The following PHAF1 variants were observed in gnomAD, a reference collection of about 807,000 sequenced individuals.
PHAF1 encodes phagosome assembly factor 1.
In PHAF1, 23 loss-of-function variants were observed where a neutral mutation model predicts 63.1. The ratio of observed to expected loss-of-function variants is 0.36; its 90% CI spans 0.26 to 0.52. PHAF1 has a LOEUF of 0.52. Among genes scored for constraint, PHAF1 ranks in the 20% least tolerant of loss-of-function variants. PHAF1 has a pLI of 0.93. For missense variants in PHAF1, 427 were observed against 517.2 expected, an observed-to-expected ratio of 0.83 and a Z score of 1.69; for synonymous variants, 167 against 185.0, an observed-to-expected ratio of 0.90 and a Z score of 0.79.
At chr16:67,119,833 A>G (rs1038171381) in intron 1 of PHAF1, among the ~76,000 whole-genome samples, 5 of 151,976 alleles carry the variant, frequency 3.3e-5, no homozygotes, top group African/African-American at 1.2e-4. Flanking sequence ...CGGCCCATGC[A>G]TGATTTTTGT....
intron 1 of PHAF1, among the ~76,000 whole-genome samples, chr16:67,117,301 G>A (rs982047845): frequency 8.9e-5 from 13 of 146,158 alleles, no homozygotes; most frequent in Admixed American, 4.9e-4. Context: ...CGCCTGCCTC[G>A]GCCTCCCAAA....
chr16:67,127,848 A>C (rs879834666), intron 3 of PHAF1, among the ~76,000 whole-genome samples: 5 of 152,196 alleles, frequency 3.3e-5, no homozygotes, highest in Non-Finnish European at 7.4e-5. Context: ...ATTTCTTTAC[A>C]AGTAGTCATT....
chr16:67,124,545 T>C (rs936529470), intron 2 of PHAF1, among the ~76,000 whole-genome samples: 1 of 152,206 alleles, frequency 6.6e-6, no homozygotes, highest in African/African-American at 2.4e-5. Flanking sequence ...CTGATAGCCA[T>C]ATCTCCATCA....
intron 1 of PHAF1, among the ~76,000 whole-genome samples, chr16:67,117,499 C>G (rs965194907): frequency 6.6e-6 from 1 of 150,872 alleles, no homozygotes; most frequent in Non-Finnish European, 1.5e-5. Flanking sequence ...ATATTCAGGC[C>G]GGGCACAGTG....
chr16:67,121,581 A>C (rs564940505), intron 2 of PHAF1, among the ~76,000 whole-genome samples: 3 of 148,450 alleles, frequency 2.0e-5, no homozygotes, highest in Non-Finnish European at 3.0e-5. Context: ...TAATTTATTT[A>C]CTTTTTTTTT....
At chr16:67,111,115 C>T (rs947203497) in intron 1 of PHAF1, among the ~76,000 whole-genome samples, 1 of 152,114 alleles carries the variant, frequency 6.6e-6, no homozygotes, top group Non-Finnish European at 1.5e-5. Flanking sequence ...CACCCGGCCC[C>T]GCTTCTCTCT....
intron 4 of PHAF1, 194 bp from the exon 5 acceptor site, chr16:67,132,252 G>T: frequency 1.8e-6 from 1 of 559,576 alleles, no homozygotes. Flanking sequence ...CTGTATATCA[G>T]CCTCATGAGA....
chr16:67,118,592 C>G (rs894625591), intron 1 of PHAF1, among the ~76,000 whole-genome samples: 5 of 151,692 alleles, frequency 3.3e-5, no homozygotes, highest in Non-Finnish European at 7.4e-5. Context: ...ATCTCGGCCT[C>G]CCAAAGTGCT....
chr16:67,116,992 CTA>C (rs1266431932), intron 1 of PHAF1, among the ~76,000 whole-genome samples: 2 of 152,058 alleles, frequency 1.3e-5, no homozygotes, highest in African/African-American at 2.4e-5. Flanking sequence ...GGACCTGTCT[CTA>C]TGTGTGTTTC....
Position 67,146,364 on chromosome 16 carries a change from GC to G in PHAF1, c.1182+17del. 1 of 1,612,094 alleles carries G rather than the reference GC, an allele frequency of 6.2e-7. No individual in the cohort carries two copies. The highest frequency in any genetic ancestry group is 2.2e-5 in the East Asian group (1 of 44,874). On this transcript the variant is annotated intron_variant, in intron 15 of 15. Coordinates refer to ENST00000219139, the MANE Select transcript of PHAF1 (RefSeq NM_025187.5). The stretch of plus-strand genomic sequence containing the variant: ...ATGATCTTTGAGGTAAGCTGTGGAA[GC>G]CCTAGAAATAAACTGCCTGGGGGGT...
rs2030223951 is a variant in PHAF1, at chr16:67,147,736, C to T, written c.*605C>T. On this transcript the variant is annotated 3_prime_UTR_variant, in exon 16 of 16. Transcript: ENST00000219139. ...AGCTTTCTACCATCCAGGTACATGC[C>T]CAGGCCTGGTTCTCACCCCTGTTGG... The T allele has an allele frequency of 6.5e-6, 1 of 152,926 alleles. No homozygotes were observed. The highest frequency in any genetic ancestry group is 1.5e-5 in the Non-Finnish European group (1 of 68,190). The allele number at this position is 152,926 out of a possible 1,614,324, so 9.5% of individuals were successfully genotyped here.
At chr16:67,117,081 G>A (rs957708356) in intron 1 of PHAF1, among the ~76,000 whole-genome samples, 4 of 151,668 alleles carry the variant, frequency 2.6e-5, no homozygotes, top group African/African-American at 9.7e-5. Context: ...CGCCAAAGTT[G>A]GAGCGCAGTG....
chr16:67,144,237 G>A (rs193246822), intron 10 of PHAF1, 57 bp from the exon 11 acceptor site: 2 of 1,302,328 alleles, frequency 1.5e-6, no homozygotes, highest in African/African-American at 2.9e-5. Context: ...CTTTGGAAAG[G>A]CCTCTGCCCT....
At chr16:67,140,974 G>T (rs1963787814) in intron 10 of PHAF1, among the ~76,000 whole-genome samples, 1 of 152,210 alleles carries the variant, frequency 6.6e-6, no homozygotes, top group Admixed American at 6.5e-5. Context: ...GGGTGTGCTT[G>T]TATATTTTTA....
chr16:67,140,648 A>G (rs1963774948), intron 10 of PHAF1, 54 bp downstream of exon 10: 3 of 1,271,134 alleles, frequency 2.4e-6, no homozygotes, highest in African/African-American at 2.9e-5. Flanking sequence ...TGGGCAGTGC[A>G]TCTTTGCAGA....
In PHAF1 at chr16:67,118,129, T is replaced by TG. The variant is rs1314642384; in HGVS notation, c.65-1983_65-1982insG. 1.6e-3 allele frequency among the ~76,000 whole-genome samples: 219 copies of TG among 135,990 alleles called. 2 individuals carry two copies. Among genetic ancestry groups the TG allele is most frequent in the South Asian group, 0.013 (55 of 4,370 alleles). 89.2% of individuals were successfully genotyped at this position (135,990 alleles called of 152,430 possible). A position where few individuals can be genotyped will look rare whatever the true frequency, so the allele number is the denominator to read the frequency against. On this transcript the variant is annotated intron_variant, in intron 1 of 15. Transcript: ENST00000219139. Reference sequence around the variant, plus strand: ...CCGCCACCACGCCCGGCTAATTTTTTTTTTTTTTTTTTTTTTTTCTTTTTT... The same window carrying TG: ...CCGCCACCACGCCCGGCTAATTTTTTGTTTTTTTTTTTTTTTTTTCTTTTTT...
At chr16:67,125,258 G>A (rs1963141240) in intron 2 of PHAF1, among the ~76,000 whole-genome samples, 2 of 152,124 alleles carry the variant, frequency 1.3e-5, no homozygotes, top group Admixed American at 1.3e-4. Context: ...GCTTTGTTCT[G>A]CTACTCCCCT....
intron 1 of PHAF1, among the ~76,000 whole-genome samples, chr16:67,114,440 C>T (rs1240718920): frequency 2.0e-5 from 3 of 151,292 alleles, no homozygotes; most frequent in African/African-American, 7.3e-5. Context: ...TTATTATAAT[C>T]AAGTAGAAGA....
At chr16:67,131,833 GC>G (rs397854771) in intron 4 of PHAF1, among the ~76,000 whole-genome samples, 5 of 152,122 alleles carry the variant, frequency 3.3e-5, no homozygotes, top group Admixed American at 3.3e-4. Context: ...AAGGCAGCAT[GC>G]CTGCATCTAA....
Sources: gnomAD v4.1 joint callset for allele counts (sites outside exome capture counted in the v4.1 genomes callset) on GRCh38, gnomAD v4.1.1 for gene constraint, MANE v1.5 for transcripts, NCBI Gene and HGNC (gene_info 2026-07-23, HGNC 2026-07-21) for gene names.